The following TMEM207 variants were observed in gnomAD, a reference collection of about 807,000 sequenced individuals.
TMEM207 encodes the protein transmembrane protein 207.
Under a neutral mutation model 17.4 loss-of-function variants are expected in TMEM207, and 15 were observed. The ratio of observed to expected loss-of-function variants is 0.86; its 90% CI spans 0.58 to 1.33. TMEM207 has a LOEUF of 1.33. Among genes scored for constraint, TMEM207 ranks in the 40% most tolerant of loss-of-function variants. TMEM207 has a pLI of 0.00. For missense variants in TMEM207, 205 were observed against 173.8 expected (o/e 1.18, Z -1.01); for synonymous variants, 70 against 65.6 (o/e 1.07, Z -0.33).
intron 4 of TMEM207, among the ~76,000 whole-genome samples, chr3:190,438,791 T>G (rs1004003161): frequency 1.3e-5 from 2 of 152,222 alleles, no homozygotes; most frequent in African/African-American, 4.8e-5. Flanking sequence ...TAACATATTT[T>G]GTTAAAATAT....
At chr3:190,438,077 A>T (rs1719841358) in intron 4 of TMEM207, among the ~76,000 whole-genome samples, 1 of 117,176 alleles carries the variant, frequency 8.5e-6, no homozygotes, top group South Asian at 3.0e-4. Flanking sequence ...GAAGGGGAAC[A>T]TCACACTTGG....
In TMEM207 at chr3:190,440,358, G is replaced by A; in HGVS notation, c.190C>T (p.Leu64Phe). The A allele has an allele frequency of 6.2e-7, 1 of 1,612,572 alleles. No homozygotes were observed. Among genetic ancestry groups the A allele is most frequent in the Non-Finnish European group, 8.5e-7 (1 of 1,179,622 alleles). Reference sequence around the variant, plus strand: ...CAGAGGACCACAGCTCCACAGAGAAGAGCTGCCACCAAAACCAGCAGCAGG... The same window carrying A: ...CAGAGGACCACAGCTCCACAGAGAAAAGCTGCCACCAAAACCAGCAGCAGG... ...ILLLLVLVAALLCGAVVLCLQ... is the reference protein window; with the variant it reads ...ILLLLVLVAAFLCGAVVLCLQ... Residue 64 changes from leucine (L) to phenylalanine (F), a missense_variant, in exon 4 of 5, where the codon CTT (leucine) becomes TTT (phenylalanine). Physicochemically the swap from Leu to Phe is conservative, Grantham distance 22. Coordinates refer to ENST00000354905, the MANE Select transcript of TMEM207 (RefSeq NM_207316.3).
rs925229884 is a variant in TMEM207, at chr3:190,435,385, A to G, written c.304+4859T>C. ...TCATATTGAATTAAGGTTCATCCCA[A>G]TTACCTCATTTTAATTTCATTGCCT... On this transcript the variant is annotated intron_variant, in intron 4 of 4. Transcript: ENST00000354905. Among the ~76,000 whole-genome samples the G allele has an allele frequency of 2.6e-5, 4 of 152,222 alleles. No homozygotes were observed. The East Asian group carries it at 7.7e-4, about 29-fold the overall frequency.
At chr3:190,447,685 T>A (rs552641657) in intron 2 of TMEM207, 105 bp downstream of exon 2, 91 of 1,089,034 alleles carry the variant, frequency 8.4e-5, no homozygotes, top group Non-Finnish European at 1.1e-4. Flanking sequence ...ATTATAATGA[T>A]CATTTGAAAC....
intron 2 of TMEM207, among the ~76,000 whole-genome samples, chr3:190,442,031 A>C (rs781319124): frequency 1.8e-4 from 27 of 152,216 alleles, no homozygotes; most frequent in Non-Finnish European, 3.1e-4. Flanking sequence ...CCAAGGAGTT[A>C]GAAGTTGACT....
intron 4 of TMEM207, among the ~76,000 whole-genome samples, chr3:190,435,472 T>G (rs940896697): frequency 2.4e-4 from 37 of 152,170 alleles, no homozygotes; most frequent in African/African-American, 8.9e-4. Flanking sequence ...GGGTTAGAAT[T>G]TGAACACATG....
chr3:190,435,146 C>T (rs537422148), intron 4 of TMEM207, among the ~76,000 whole-genome samples: 16 of 152,248 alleles, frequency 1.1e-4, no homozygotes, highest in Non-Finnish European at 1.9e-4. Flanking sequence ...GCTGTCATAA[C>T]AAAGTACCAC....
chr3:190,447,677 T>A (rs1720079197), intron 2 of TMEM207, 113 bp downstream of exon 2: 1 of 1,015,804 alleles, frequency 9.8e-7, no homozygotes, highest in Non-Finnish European at 1.4e-6. Flanking sequence ...TTCTTCTGAT[T>A]ATAATGATCA....
At chr3:190,442,775 C>A (rs1049322816) in intron 2 of TMEM207, among the ~76,000 whole-genome samples, 1 of 151,944 alleles carries the variant, frequency 6.6e-6, no homozygotes, top group Non-Finnish European at 1.5e-5. Flanking sequence ...GACATACTTA[C>A]AAGGGAATAT....
intron 2 of TMEM207, among the ~76,000 whole-genome samples, chr3:190,443,654 C>T (rs1041079991): frequency 2.6e-5 from 4 of 152,080 alleles, no homozygotes; most frequent in Non-Finnish European, 5.9e-5. Flanking sequence ...CATATGCTCC[C>T]CTCCTCGAAT....
At chr3:190,439,046 G>A (rs1302771228) in intron 4 of TMEM207, among the ~76,000 whole-genome samples, 23 of 151,820 alleles carry the variant, frequency 1.5e-4, no homozygotes, top group African/African-American at 4.8e-5. Flanking sequence ...GCGTGGTGGC[G>A]GGCGCCTGTA....
At chr3:190,434,865 A>G (rs1577443271) in intron 4 of TMEM207, among the ~76,000 whole-genome samples, 1 of 152,248 alleles carries the variant, frequency 6.6e-6, no homozygotes, top group East Asian at 1.9e-4. Context: ...GAGAAGAAAG[A>G]GGAGGAGATT....
In TMEM207 at chr3:190,429,401, C is replaced by A; in HGVS notation, c.*194G>T. 1 of 617,422 alleles carries A rather than the reference C, an allele frequency of 1.6e-6. No homozygotes were observed. Among genetic ancestry groups the A allele is most frequent in the Non-Finnish European group, 2.8e-6 (1 of 363,440 alleles). The allele number at this position is 617,422 out of a possible 1,614,324, so 38.2% of individuals were successfully genotyped here. ...GATACAGCAGTGACACATCAAAAGCCTGCTACTTTACTATTTAAACATCTC... is the reference window on the plus strand; with the variant it reads ...GATACAGCAGTGACACATCAAAAGCATGCTACTTTACTATTTAAACATCTC... On this transcript the variant is annotated 3_prime_UTR_variant, in exon 5 of 5. Transcript: ENST00000354905.
chr3:190,447,372 C>A (rs962572781), intron 2 of TMEM207, among the ~76,000 whole-genome samples: 1 of 152,132 alleles, frequency 6.6e-6, no homozygotes, highest in Non-Finnish European at 1.5e-5. Context: ...AATAGACACA[C>A]AGTACAGGTT....
At position 190,440,361 on chromosome 3, in the gene TMEM207, C is replaced by T; in HGVS notation, c.187G>A (p.Ala63Thr). The T allele has an allele frequency of 6.2e-7, 1 of 1,612,342 alleles. No homozygotes were observed. The highest frequency in any genetic ancestry group is 8.5e-7 in the Non-Finnish European group (1 of 1,179,538). The change falls in exon 4 of 5, where the codon GCT becomes ACT. Residue 63 changes from alanine (A) to threonine (T), a missense_variant. Coordinates refer to ENST00000354905, the MANE Select transcript of TMEM207 (RefSeq NM_207316.3). ...AGGACCACAGCTCCACAGAGAAGAGCTGCCACCAAAACCAGCAGCAGGAGG... is the reference window on the plus strand; with the variant it reads ...AGGACCACAGCTCCACAGAGAAGAGTTGCCACCAAAACCAGCAGCAGGAGG... ...WILLLLVLVAALLCGAVVLCL... is the reference protein window; with the variant it reads ...WILLLLVLVATLLCGAVVLCL...
rs1392800949 is a variant in TMEM207 at position 190,440,247 on chromosome 3, AAAT to A, written c.298_300del (p.Ile100del). 4 of 1,613,520 alleles carry A rather than the reference AAAT, an allele frequency of 2.5e-6. No individual in the cohort carries two copies. Among genetic ancestry groups the A allele is most frequent in the Middle Eastern group, 1.7e-4 (1 of 6,056 alleles). ...CAGAAGCGTGCAGACAACTCACCAT[AAAT>A]AGAGTCCAAGTCTCCAACAGCAAAA... On this transcript the variant is annotated inframe_deletion, in exon 4 of 5. Transcript: ENST00000354905.
intron 4 of TMEM207, among the ~76,000 whole-genome samples, chr3:190,434,342 T>C (rs1286696186): frequency 2.6e-5 from 4 of 152,132 alleles, no homozygotes; most frequent in African/African-American, 7.2e-5. Context: ...TCCTCCATAT[T>C]GTTCTTGTGG....
At chr3:190,430,800 G>T (rs1037106603) in intron 4 of TMEM207, among the ~76,000 whole-genome samples, 3 of 151,910 alleles carry the variant, frequency 2.0e-5, no homozygotes, top group African/African-American at 4.8e-5. Context: ...CATATATTTT[G>T]CAAAGCCAAA....
intron 2 of TMEM207, chr3:190,444,534 G>A (rs1276657999): frequency 6.0e-6 from 5 of 836,570 alleles, no homozygotes; most frequent in Non-Finnish European, 7.2e-6. Context: ...ATGAGAGCCT[G>A]GTGAGGATCA....
Sources: gnomAD v4.1 joint callset for allele counts (sites outside exome capture counted in the v4.1 genomes callset) on GRCh38, gnomAD v4.1.1 for gene constraint, MANE v1.5 for transcripts, NCBI Gene and HGNC (gene_info 2026-07-23, HGNC 2026-07-21) for gene names.